ACAN: variants seen among roughly 807,000 people sequenced by gnomAD.
ACAN encodes the protein aggrecan core protein.
Under a neutral mutation model 169.1 loss-of-function variants are expected in ACAN, and 47 were observed. The observed-to-expected ratio is 0.28, with a 90% CI of 0.22 to 0.35. The LOEUF is 0.35. Among genes scored for constraint, ACAN ranks in the 10% least tolerant of loss-of-function variants. The pLI is 1.00. For synonymous variants in ACAN, 1,115 were observed against 1,112.2 expected (o/e 1.00, Z -0.05); for missense variants, 2,716 against 2,759.9 (o/e 0.98, Z 0.36).
chr15:88,809,761 G>A (rs1490371373), intron 1 of ACAN, among the ~76,000 whole-genome samples: 1 of 152,198 alleles, frequency 6.6e-6, no homozygotes, highest in Non-Finnish European at 1.5e-5. Context: ...CAGCCCCACA[G>A]GGGCATCCCC....
intron 1 of ACAN, among the ~76,000 whole-genome samples, chr15:88,829,366 A>G (rs1049748446): frequency 1.3e-5 from 2 of 152,200 alleles, no homozygotes; most frequent in African/African-American, 2.4e-5. Context: ...GAGTTAGGAC[A>G]GAGCTGGGAC....
chr15:88,852,141 T>G lies in ACAN; in HGVS notation c.2266+108T>G. On this transcript the variant is annotated intron_variant, in intron 11 of 18. Transcript: ENST00000560601. Reference sequence around the variant, plus strand: ...TTCCCTCCCTGGGATTTGTGCTGTTTCCCCAGCCCTGACACTGGCTGGGTG... The same window carrying G: ...TTCCCTCCCTGGGATTTGTGCTGTTGCCCCAGCCCTGACACTGGCTGGGTG... The G allele has an allele frequency of 2.1e-6, 3 of 1,452,472 alleles. No individual in the cohort carries two copies. The Admixed American group carries it at 6.7e-5, about 32-fold the overall frequency. 90.0% of individuals were successfully genotyped at this position (1,452,472 alleles called of 1,614,324 possible).
chr15:88,859,123 G>A lies in ACAN; in HGVS notation c.6538G>A (p.Glu2180Lys). 3 of 1,613,864 alleles carry A rather than the reference G, an allele frequency of 1.9e-6. No homozygotes were observed. Among genetic ancestry groups the A allele is most frequent in the Non-Finnish European group, 2.5e-6 (3 of 1,179,900 alleles). The change falls in exon 12 of 19, where the codon GAG becomes AAG. Residue 2180 changes from glutamate (E) to lysine (K), a missense_variant. Physicochemically the swap from Glu to Lys is moderately conservative, Grantham distance 56. Transcript: ENST00000560601. ...ESTTTSDVGT[E>K]APGLPSATPT... Reference sequence around the variant, plus strand: ...CACCACCACCAGTGATGTGGGGACAGAGGCACCAGGCTTGCCTTCAGCCAC... The same window carrying A: ...CACCACCACCAGTGATGTGGGGACAAAGGCACCAGGCTTGCCTTCAGCCAC...
chr15:88,823,034 A>G (rs1267202215), intron 1 of ACAN, among the ~76,000 whole-genome samples: 2 of 152,168 alleles, frequency 1.3e-5, no homozygotes, highest in Non-Finnish European at 2.9e-5. Flanking sequence ...CATTTCCATC[A>G]GGACCCTCAG....
chr15:88,862,079 G>A (rs925382623), intron 13 of ACAN, among the ~76,000 whole-genome samples: 10 of 152,122 alleles, frequency 6.6e-5, no homozygotes, highest in Non-Finnish European at 1.2e-4. Context: ...TAACACACTC[G>A]GCTAAATAAG....
At position 88,861,261 on chromosome 15, in the gene ACAN, C is replaced by T. The variant is rs1427737809; in HGVS notation, c.6946+822C>T. Among the ~76,000 whole-genome samples the T allele has an allele frequency of 6.6e-6, 1 of 152,118 alleles. No individual in the cohort carries two copies. The highest frequency in any genetic ancestry group is 6.5e-5 in the Admixed American group (1 of 15,276). ...CCCACTAACCCCAGTGCCCTTATCC[C>T]CAGCCTCCCTCCTAGGTCAAGAATC... On this transcript the variant is annotated intron_variant, in intron 13 of 18. Transcript: ENST00000560601. This position sits in a 1 kb window ranked among gnomAD's most constrained non-coding sequence, Gnocchi z 6.3.
intron 13 of ACAN, among the ~76,000 whole-genome samples, 162 bp downstream of exon 13, chr15:88,860,601 G>C (rs1017011898): frequency 9.2e-5 from 14 of 152,256 alleles, no homozygotes; most frequent in Non-Finnish European, 1.5e-5. Flanking sequence ...CCACAGGACA[G>C]ACATGGCTTA....
Position 88,838,043 on chromosome 15 carries a change from C to T in ACAN, c.71-620C>T, listed in dbSNP as rs1045653266. On this transcript the variant is annotated intron_variant, in intron 2 of 18. Transcript: ENST00000560601. This position sits in a 1 kb window ranked among gnomAD's most constrained non-coding sequence, Gnocchi z 5.1. ...TGTTTGGAGTCTGATCCTATCCCAT[C>T]GCCTCTCCTGCATCTGACTGTTTGC... Among the ~76,000 whole-genome samples the T allele has an allele frequency of 6.6e-6, 1 of 151,754 alleles. No individual in the cohort carries two copies. Among genetic ancestry groups the T allele is most frequent in the Non-Finnish European group, 1.5e-5 (1 of 67,978 alleles).
At chr15:88,865,676 T>C (rs1159399378) in intron 13 of ACAN, among the ~76,000 whole-genome samples, 1 of 151,970 alleles carries the variant, frequency 6.6e-6, no homozygotes, top group Non-Finnish European at 1.5e-5. Context: ...ACTTGCAAGC[T>C]CCTTATCCAG....
chr15:88,827,356 A>G (rs1042603027), intron 1 of ACAN, among the ~76,000 whole-genome samples: 10 of 152,372 alleles, frequency 6.6e-5, no homozygotes, highest in Non-Finnish European at 1.5e-4. Flanking sequence ...GGGGGGCCCC[A>G]TTGTTTGCTG....
intron 1 of ACAN, among the ~76,000 whole-genome samples, chr15:88,825,216 T>C (rs910422588): frequency 6.6e-6 from 1 of 152,136 alleles, no homozygotes; most frequent in African/African-American, 2.4e-5. Flanking sequence ...ACATTCATCC[T>C]TTTCTGCCAT....
chr15:88,836,665 C>A (rs1896511384), intron 2 of ACAN, among the ~76,000 whole-genome samples: 1 of 152,196 alleles, frequency 6.6e-6, no homozygotes, highest in Non-Finnish European at 1.5e-5. Flanking sequence ...GGCTGGAGCA[C>A]CAAAGAAGAA....
chr15:88,844,561 A>G (rs1896749426), intron 6 of ACAN, among the ~76,000 whole-genome samples: 1 of 151,824 alleles, frequency 6.6e-6, no homozygotes, highest in Non-Finnish European at 1.5e-5. Context: ...TTTAGTAGAG[A>G]TGGGTTTCAC....
rs372895171 is a variant in ACAN at position 88,843,510 on chromosome 15, C to T, written c.913C>T (p.Arg305Cys). Reference sequence around the variant, plus strand: ...GTGCAGCGCCGGCTGGCTGGCCGACCGCAGCGTGCGCTACCCCATCTCCAA... The same window carrying T: ...GTGCAGCGCCGGCTGGCTGGCCGACTGCAGCGTGCGCTACCCCATCTCCAA... ...DMCSAGWLAD[R>C]SVRYPISKAR... Residue 305 changes from arginine (R) to cysteine (C), a missense_variant, in exon 6 of 19, where the codon CGC (arginine) becomes TGC (cysteine). Physicochemically the swap from Arg to Cys is radical, Grantham distance 180. Coordinates refer to ENST00000560601, the MANE Select transcript of ACAN (RefSeq NM_001369268.1). The surrounding 1 kb of genome is among the most constrained non-coding windows in gnomAD (Gnocchi z 4.0). The T allele has an allele frequency of 1.7e-4, 281 of 1,612,440 alleles. No homozygotes were observed. The highest frequency in any genetic ancestry group is 1.0e-3 in the Admixed American group (60 of 59,956).
chr15:88,811,857 C>T (rs1414575260), intron 1 of ACAN, among the ~76,000 whole-genome samples: 1 of 152,208 alleles, frequency 6.6e-6, no homozygotes, highest in South Asian at 2.1e-4. Flanking sequence ...CTGCCCCATC[C>T]ATGGGCATCA....
At chr15:88,836,995 G>A (rs1020521563) in intron 2 of ACAN, among the ~76,000 whole-genome samples, 2 of 152,222 alleles carry the variant, frequency 1.3e-5, no homozygotes, top group African/African-American at 4.8e-5. Context: ...GGGCCAATGT[G>A]TCTGCCCAAA....
At chr15:88,831,650 GC>G (rs1451772273) in intron 1 of ACAN, among the ~76,000 whole-genome samples, 2 of 152,220 alleles carry the variant, frequency 1.3e-5, no homozygotes, top group Non-Finnish European at 2.9e-5. Context: ...TGAGGGCCAG[GC>G]CCCCTGGCAC....
chr15:88,823,091 T>C (rs1329142300), intron 1 of ACAN, among the ~76,000 whole-genome samples: 1 of 152,180 alleles, frequency 6.6e-6, no homozygotes, highest in East Asian at 1.9e-4. Flanking sequence ...CTGGGCTCAA[T>C]TTCCACACAG....
chr15:88,851,812 C>A lies in ACAN; in HGVS notation c.2045C>A (p.Ser682Tyr). Residue 682 changes from serine (S) to tyrosine (Y), a missense_variant, in exon 11 of 19, where the codon TCT becomes TAT. By Grantham distance (144) the Ser-to-Tyr change is moderately radical (BLOSUM62 -2). Around this residue, in one of 3 missense-constraint regions of ACAN, gnomAD observed 1,283 missense variants for 1,281.5 expected, o/e 1.00. Coordinates refer to ENST00000560601, the MANE Select transcript of ACAN (RefSeq NM_001369268.1). This position sits in a 1 kb window ranked among gnomAD's most constrained non-coding sequence, Gnocchi z 4.3. Reference protein sequence around the residue: ...FCFRGISAVPSPGEEEGGTPT... With the variant: ...FCFRGISAVPYPGEEEGGTPT... The stretch of plus-strand genomic sequence containing the variant: ...CCTTTAGGCATTTCAGCGGTTCCTT[C>A]TCCAGGAGAAGAAGAGGGTGGCACA... 1 of 1,601,194 alleles carries A rather than the reference C, an allele frequency of 6.2e-7. No homozygotes were observed. The highest frequency in any genetic ancestry group is 8.5e-7 in the Non-Finnish European group (1 of 1,173,780).
Sources: gnomAD v4.1 joint callset for allele counts (sites outside exome capture counted in the v4.1 genomes callset) on GRCh38, gnomAD v4.1.1 for gene constraint, gnomAD v4.1.1 regional missense constraint, Gnocchi (gnomAD v3.1) non-coding constraint, MANE v1.5 for transcripts, NCBI Gene and HGNC (gene_info 2026-07-23, HGNC 2026-07-21) for gene names.